The following RARA variants were observed in gnomAD, a reference collection of about 807,000 sequenced individuals.
RARA encodes the protein retinoic acid receptor alpha.
A neutral mutation model predicts 42.8 loss-of-function variants in RARA; 5 were observed. The observed-to-expected ratio is 0.12, with a 90% confidence interval of 0.06 to 0.25. RARA has a LOEUF of 0.25. Among genes scored for constraint, RARA ranks in the 10% least tolerant of loss-of-function variants. RARA has a pLI of 1.00. For synonymous variants in RARA, 256 were observed against 259.5 expected, an observed-to-expected ratio of 0.99 and a Z score of 0.13; for missense variants, 402 against 628.7, an observed-to-expected ratio of 0.64 and a Z score of 3.86.
rs957820351 is a variant in RARA, at chr17:40,357,396, C to T, written c.*1170C>T. On this transcript the variant is annotated 3_prime_UTR_variant, in exon 9 of 9. Transcript: ENST00000254066. Reference sequence around the variant, plus strand: ...GGCCGACACACACTTGGCCCGAGTTCCTCCATTTCCCTGGCCTGCCCCCCA... The same window carrying T: ...GGCCGACACACACTTGGCCCGAGTTTCTCCATTTCCCTGGCCTGCCCCCCA... 4.3e-5 allele frequency: 10 copies of T among 233,788 alleles called. No individual in the cohort carries two copies. Among genetic ancestry groups the T allele is most frequent in the Non-Finnish European group, 8.4e-5 (10 of 118,572 alleles). 14.5% of individuals were successfully genotyped at this position (233,788 alleles called of 1,614,324 possible).
intron 2 of RARA, chr17:40,341,396 TCACAGACAATGA>T (rs2034031588): frequency 6.7e-7 from 1 of 1,491,948 alleles, no homozygotes; most frequent in African/African-American, 1.5e-5. Flanking sequence ...ACACATGATG[TCACAGACAATGA>T]CACAAGCCGG....
chr17:40,329,280 C>T (rs557175258), intron 1 of RARA, among the ~76,000 whole-genome samples: 4 of 151,622 alleles, frequency 2.6e-5, no homozygotes, highest in South Asian at 2.1e-4. Flanking sequence ...TGTGCCACCA[C>T]GCCTGGATAA....
chr17:40,330,488 A>G (rs1406305938), intron 1 of RARA, among the ~76,000 whole-genome samples: 1 of 151,684 alleles, frequency 6.6e-6, no homozygotes, highest in East Asian at 1.9e-4. Flanking sequence ...CTTCCCCCCC[A>G]GCACACGTTC....
intron 2 of RARA, among the ~76,000 whole-genome samples, chr17:40,337,422 G>T (rs1393752554): frequency 6.6e-6 from 1 of 152,140 alleles, no homozygotes; most frequent in African/African-American, 2.4e-5. Context: ...GATCCTGAAG[G>T]CTGGAGAGAA....
At position 40,355,132 on chromosome 17, in the gene RARA, G is replaced by C. The variant is rs1448503948; in HGVS notation, c.1013-131G>C. 1 of 1,152,000 alleles carries C rather than the reference G, an allele frequency of 8.7e-7. No homozygotes were observed. Among genetic ancestry groups the C allele is most frequent in the Non-Finnish European group, 1.2e-6 (1 of 834,534 alleles). The allele number at this position is 1,152,000 out of a possible 1,614,324, so 71.4% of individuals were successfully genotyped here. ...TACCCTGCGGCAGCAGAGACCCCATGCCCTGCCCTGTGTGGGGAGGCGCCT... is the reference window on the plus strand; with the variant it reads ...TACCCTGCGGCAGCAGAGACCCCATCCCCTGCCCTGTGTGGGGAGGCGCCT... On this transcript the variant is annotated intron_variant, in intron 7 of 8. Transcript: ENST00000254066. The surrounding 1 kb of genome is among the most constrained non-coding windows in gnomAD (Gnocchi z 4.1).
Position 40,356,048 on chromosome 17 carries a change from G to A in RARA, c.1211G>A (p.Gly404Asp). The part of the protein sequence containing the change: ...RVITLKMEIP[G>D]SMPPLIQEML... The stretch of plus-strand genomic sequence containing the variant: ...ATCACGCTGAAGATGGAGATCCCGG[G>A]CTCCATGCCGCCTCTCATCCAGGAA... The change falls in exon 9 of 9, where the codon GGC becomes GAC. Residue 404 changes from glycine (G) to aspartate (D), a missense_variant. Around this residue, in one of 5 missense-constraint regions of RARA, gnomAD observed 104 missense variants for 160.1 expected, o/e 0.65. Transcript: ENST00000254066. 6.2e-7 allele frequency: 1 copy of A among 1,602,974 alleles called. No homozygotes were observed. Among genetic ancestry groups the A allele is most frequent in the Non-Finnish European group, 8.5e-7 (1 of 1,176,370 alleles).
chr17:40,342,344 C>G, intron 2 of RARA: 1 of 1,079,158 alleles, frequency 9.3e-7, no homozygotes, highest in Non-Finnish European at 1.1e-6. Context: ...GATCCCGCCC[C>G]CGGCCTGCGG....
At position 40,354,602 on chromosome 17, in the gene RARA, A is replaced by G. The variant is rs550205031; in HGVS notation, c.1012+96A>G. On this transcript the variant is annotated intron_variant, in intron 7 of 8. Coordinates refer to ENST00000254066, the MANE Select transcript of RARA (RefSeq NM_000964.4). The surrounding 1 kb of genome is among the most constrained non-coding windows in gnomAD (Gnocchi z 4.5). The stretch of plus-strand genomic sequence containing the variant: ...CTCTTTCAGGCCACCTCTGTTAGGT[A>G]TCTCTAGAGGGCAGGGTCTGGTCTG... The G allele has an allele frequency of 5.1e-5, 71 of 1,401,978 alleles. No individual in the cohort carries two copies. The East Asian group carries it at 1.0e-3, about 20-fold the overall frequency. The allele number at this position is 1,401,978 out of a possible 1,614,324, so 86.8% of individuals were successfully genotyped here. A position where few individuals can be genotyped will look rare whatever the true frequency, so the allele number is the denominator to read the frequency against.
chr17:40,346,899 A>G (rs1164805294), intron 2 of RARA, among the ~76,000 whole-genome samples: 2 of 152,196 alleles, frequency 1.3e-5, no homozygotes, highest in East Asian at 3.9e-4. Flanking sequence ...TGGCCTGGGA[A>G]GTGGTGCCCA....
rs908798258 is a variant in RARA at position 40,326,138 on chromosome 17, T to C, written c.-362-4719T>C. On this transcript the variant is annotated intron_variant, in intron 1 of 8. Transcript: ENST00000254066. The surrounding 1 kb of genome is among the most constrained non-coding windows in gnomAD (Gnocchi z 5.2). ...TGGGTAATTCTCCCTCCTGGCCCCG[T>C]CAACAGATGTTGCCCTGGGTGGGGT... 6.6e-6 allele frequency among the ~76,000 whole-genome samples: 1 copy of C among 152,168 alleles called. No homozygotes were observed. Among genetic ancestry groups the C allele is most frequent in the Non-Finnish European group, 1.5e-5 (1 of 68,020 alleles).
rs1335008370 is a variant in RARA at position 40,354,020 on chromosome 17, C to T, written c.808-282C>T. Among the ~76,000 whole-genome samples the T allele has an allele frequency of 6.6e-6, 1 of 152,206 alleles. No homozygotes were observed. The highest frequency in any genetic ancestry group is 1.9e-4 in the East Asian group (1 of 5,202). Reference sequence around the variant, plus strand: ...TATCCAGTACAGTAGCTGCTCACCACATGTGACTCTTTAAATTTAAATTAA... The same window carrying T: ...TATCCAGTACAGTAGCTGCTCACCATATGTGACTCTTTAAATTTAAATTAA... On this transcript the variant is annotated intron_variant, in intron 6 of 8. Coordinates refer to ENST00000254066, the MANE Select transcript of RARA (RefSeq NM_000964.4). This position sits in a 1 kb window ranked among gnomAD's most constrained non-coding sequence, Gnocchi z 4.5.
At position 40,356,584 on chromosome 17, in the gene RARA, C is replaced by A. The variant is rs117770216; in HGVS notation, c.*358C>A. On this transcript the variant is annotated 3_prime_UTR_variant, in exon 9 of 9. Coordinates refer to ENST00000254066, the MANE Select transcript of RARA (RefSeq NM_000964.4). The stretch of plus-strand genomic sequence containing the variant: ...AGCAAACGCCAGGACTTGGCTCCCC[C>A]ATCCTCAGAACTCACAAGCCATTGC... 0.013 allele frequency: 7,621 copies of A among 566,756 alleles called. 83 individuals carry two copies. The highest frequency in any genetic ancestry group is 0.022 in the Middle Eastern group (83 of 3,738). The allele number at this position is 566,756 out of a possible 1,614,324, so 35.1% of individuals were successfully genotyped here.
At chr17:40,316,700 G>T (rs1028856278) in intron 1 of RARA, among the ~76,000 whole-genome samples, 4 of 152,220 alleles carry the variant, frequency 2.6e-5, no homozygotes, top group African/African-American at 9.7e-5. Flanking sequence ...GAAGGCCCTT[G>T]GGGGAGCGCG....
In RARA at chr17:40,356,427, C is replaced by T. The variant is rs760945393; in HGVS notation, c.*201C>T. 1 of 731,484 alleles carries T rather than the reference C, an allele frequency of 1.4e-6. No homozygotes were observed. The highest frequency in any genetic ancestry group is 2.4e-6 in the Non-Finnish European group (1 of 413,472). 45.3% of individuals were successfully genotyped at this position (731,484 alleles called of 1,614,324 possible). ...GCCCTCAGTGGACTGCCTGCTCCCA[C>T]AGCCTGGGCTGACGTCAGAGGCCGA... On this transcript the variant is annotated 3_prime_UTR_variant, in exon 9 of 9. Transcript: ENST00000254066.
rs760562625 is a variant in RARA at position 40,351,875 on chromosome 17, G to C, written c.470-35G>C. ...GGGTGGACGAGGCCCTGAGCAGCCTGCAGCTGCCCTCTTAACCCCCTCTGC... is the reference window on the plus strand; with the variant it reads ...GGGTGGACGAGGCCCTGAGCAGCCTCCAGCTGCCCTCTTAACCCCCTCTGC... On this transcript the variant is annotated intron_variant, in intron 4 of 8. Coordinates refer to ENST00000254066, the MANE Select transcript of RARA (RefSeq NM_000964.4). The surrounding 1 kb of genome is among the most constrained non-coding windows in gnomAD (Gnocchi z 4.1). 6.3e-7 allele frequency: 1 copy of C among 1,590,178 alleles called. No homozygotes were observed. Among genetic ancestry groups the C allele is most frequent in the Admixed American group, 1.9e-5 (1 of 51,642 alleles).
intron 1 of RARA, among the ~76,000 whole-genome samples, chr17:40,314,170 T>C (rs1194756884): frequency 3.2e-4 from 4 of 12,558 alleles, no homozygotes; most frequent in Non-Finnish European, 6.5e-4. Context: ...GTGAGGGATA[T>C]GGCGGGTGGA....
chr17:40,318,588 C>A (rs1053643187), intron 1 of RARA: 3 of 152,274 alleles, frequency 2.0e-5, no homozygotes, highest in Admixed American at 6.5e-5. Flanking sequence ...TCCTGGGCTT[C>A]CCAACTCGCT....
At chr17:40,343,783 TCCTGGCAG>T (rs2034157381) in intron 2 of RARA, among the ~76,000 whole-genome samples, 1 of 152,120 alleles carries the variant, frequency 6.6e-6, no homozygotes, top group Non-Finnish European at 1.5e-5. Flanking sequence ...AATCCTAGCA[TCCTGGCAG>T]CCTGGTCACT....
Position 40,331,114 on chromosome 17 carries a change from A to C in RARA, c.-105A>C. On this transcript the variant is annotated 5_prime_UTR_variant, in exon 2 of 9. Coordinates refer to ENST00000254066, the MANE Select transcript of RARA (RefSeq NM_000964.4). ...ACAGGGCGGGTGGGCTGACCACCCA[A>C]ACCCCATCTGGGCCCAGGCCCCATG... 1 of 1,357,706 alleles carries C rather than the reference A, an allele frequency of 7.4e-7. No individual in the cohort carries two copies. The highest frequency in any genetic ancestry group is 1.0e-6 in the Non-Finnish European group (1 of 1,002,754). 84.1% of individuals were successfully genotyped at this position (1,357,706 alleles called of 1,614,324 possible).
Sources: allele counts gnomAD v4.1 joint callset (sites outside exome capture counted in the v4.1 genomes callset), GRCh38; gene constraint gnomAD v4.1.1; regional missense constraint gnomAD v4.1.1; non-coding constraint Gnocchi (gnomAD v3.1); transcripts MANE v1.5; gene names NCBI Gene and HGNC (gene_info 2026-07-23, HGNC 2026-07-21).